MYO16: variants seen among roughly 807,000 people sequenced by gnomAD.
The protein encoded by MYO16 is myosin XVI.
A neutral mutation model predicts 205.3 loss-of-function variants in MYO16; 94 were observed. The ratio of observed to expected loss-of-function variants is 0.46; its 90% CI spans 0.39 to 0.54. The LOEUF is 0.54. Ranked by LOEUF, MYO16 falls within the 20% of genes least tolerant of loss-of-function variation. The pLI is 0.00. For missense variants in MYO16, 2,315 were observed against 2,387.5 expected, an observed-to-expected ratio of 0.97 and a Z score of 0.63; for synonymous variants, 988 against 954.0, an observed-to-expected ratio of 1.04 and a Z score of -0.66.
At chr13:108,564,474 T>A in the MYO16 span, among the ~76,000 whole-genome samples, 1 of 152,142 alleles carries the variant, frequency 6.6e-6, no homozygotes, top group South Asian at 2.1e-4. Context: ...CGGTCCCTAT[T>A]GCCCATTTTA....
At chr13:108,650,106 T>C (rs1880932883) in intron 1 of MYO16, among the ~76,000 whole-genome samples, 1 of 152,010 alleles carries the variant, frequency 6.6e-6, no homozygotes, top group Admixed American at 6.6e-5. Context: ...TATCAAAAAA[T>C]TAAATAGCAA....
chr13:109,089,410 C>T (rs1185080217), intron 27 of MYO16, among the ~76,000 whole-genome samples: 2 of 151,908 alleles, frequency 1.3e-5, no homozygotes, highest in Non-Finnish European at 1.5e-5. Context: ...GACGGGGTTT[C>T]GCCATTTTGG....
the MYO16 span, among the ~76,000 whole-genome samples, chr13:108,589,920 C>T: frequency 6.6e-6 from 1 of 152,160 alleles, no homozygotes; most frequent in African/African-American, 2.4e-5. Flanking sequence ...TTAATTTATT[C>T]TGATTAACTT....
chr13:108,504,681 ACACACCAC>A, the MYO16 span, among the ~76,000 whole-genome samples: 2 of 151,942 alleles, frequency 1.3e-5, no homozygotes, highest in Admixed American at 6.6e-5. Flanking sequence ...GACTACCGGC[ACACACCAC>A]CATGCCCAGC....
chr13:109,100,714 C>A, intron 27 of MYO16, 71 bp from the exon 28 acceptor site: 2 of 1,226,956 alleles, frequency 1.6e-6, no homozygotes, highest in South Asian at 1.3e-5. Flanking sequence ...GTAACAAAGA[C>A]AGCCCTGTTG....
At chr13:108,704,747 A>C (rs1883439104) in intron 2 of MYO16, among the ~76,000 whole-genome samples, 2 of 152,120 alleles carry the variant, frequency 1.3e-5, no homozygotes, top group South Asian at 4.1e-4. Context: ...AGTATCTTAA[A>C]TTAACCTAAC....
intron 21 of MYO16, among the ~76,000 whole-genome samples, chr13:108,998,139 TAGAA>T (rs918009098): frequency 4.3e-4 from 66 of 152,304 alleles, no homozygotes; most frequent in African/African-American, 1.4e-3. Flanking sequence ...CTAGAGATGA[TAGAA>T]AGAAAAATGG....
chr13:109,157,226 G>C (rs1299443081), intron 32 of MYO16, among the ~76,000 whole-genome samples: 2 of 107,518 alleles, frequency 1.9e-5, no homozygotes, highest in Non-Finnish European at 3.4e-5. Flanking sequence ...TACTTTCTTT[G>C]CTAGATTAGT....
chr13:108,658,135 T>C (rs1209876372), intron 1 of MYO16, among the ~76,000 whole-genome samples: 2 of 152,186 alleles, frequency 1.3e-5, no homozygotes, highest in Non-Finnish European at 2.9e-5. Context: ...ACGAAAGAAC[T>C]GGATGAAAAT....
At chr13:108,970,356 G>A (rs1594435410) in intron 20 of MYO16, among the ~76,000 whole-genome samples, 1 of 152,232 alleles carries the variant, frequency 6.6e-6, no homozygotes, top group East Asian at 1.9e-4. Context: ...ATTCAATGGG[G>A]GTAATATTTT....
chr13:108,533,839 G>A, the MYO16 span, among the ~76,000 whole-genome samples: 1 of 152,094 alleles, frequency 6.6e-6, no homozygotes, highest in Non-Finnish European at 1.5e-5. Context: ...CTTTTTTAGT[G>A]ATTTCATCTG....
At chr13:108,813,972 G>A (rs771449838) in intron 7 of MYO16, among the ~76,000 whole-genome samples, 1 of 152,102 alleles carries the variant, frequency 6.6e-6, no homozygotes, top group Non-Finnish European at 1.5e-5. Context: ...TTGACTTTAC[G>A]AAAAGAAAGG....
Position 108,844,486 on chromosome 13 carries a change from C to T in MYO16, c.1241C>T (p.Pro414Leu). 3.1e-6 allele frequency: 5 copies of T among 1,608,958 alleles called. No individual in the cohort carries two copies. Among genetic ancestry groups the T allele is most frequent in the African/African-American group, 2.7e-5 (2 of 74,952 alleles). The change falls in exon 10 of 35, where the codon CCC becomes CTC. Residue 414 changes from proline (P) to leucine (L), a missense_variant. Physicochemically the swap from Pro to Leu is moderately conservative, Grantham distance 98 (BLOSUM62 -3). Around this residue, in one of 3 missense-constraint regions of MYO16, gnomAD observed 1,213 missense variants for 1,274.4 expected, o/e 0.95. Transcript: ENST00000457511. ...CCCATGATGAGCGGTTCCACCAAAC[C>T]CGAGCAGGTAATCATGCTTTCACTG... ...ENPMMSGSTK[P>L]EQVKLMPPAP...
At chr13:108,759,482 TGA>T (rs1566590781) in intron 4 of MYO16, among the ~76,000 whole-genome samples, 1 of 152,060 alleles carries the variant, frequency 6.6e-6, no homozygotes, top group Non-Finnish European at 1.5e-5. Context: ...AGATAGGAAA[TGA>T]GAGAGTATTA....
chr13:108,642,474 G>T (rs921616958), intron 1 of MYO16, among the ~76,000 whole-genome samples: 1 of 152,078 alleles, frequency 6.6e-6, no homozygotes, highest in African/African-American at 2.4e-5. Context: ...ATGAAGTCTC[G>T]CTCTGTCACC....
intron 1 of MYO16, among the ~76,000 whole-genome samples, chr13:108,604,228 G>C (rs567818776): frequency 6.6e-6 from 1 of 152,242 alleles, no homozygotes; most frequent in Non-Finnish European, 1.5e-5. Flanking sequence ...TTTAAGATGA[G>C]ATTTGGGTAG....
At chr13:108,876,442 T>C (rs1879330026) in intron 12 of MYO16, among the ~76,000 whole-genome samples, 1 of 152,194 alleles carries the variant, frequency 6.6e-6, no homozygotes, top group Non-Finnish European at 1.5e-5. Flanking sequence ...AATTATATGA[T>C]GTCTTAGATA....
chr13:108,860,299 T>C (rs774719386), intron 11 of MYO16, among the ~76,000 whole-genome samples: 1 of 150,814 alleles, frequency 6.6e-6, no homozygotes, highest in African/African-American at 2.4e-5. Flanking sequence ...CTAAGGATAA[T>C]AGCCTCCAGC....
At chr13:108,880,042 A>C (rs1401277114) in intron 12 of MYO16, among the ~76,000 whole-genome samples, 2 of 152,128 alleles carry the variant, frequency 1.3e-5, no homozygotes, top group Non-Finnish European at 2.9e-5. Context: ...TGACTTTTTA[A>C]TGATCGCCAT....
Sources: allele counts gnomAD v4.1 joint callset (sites outside exome capture counted in the v4.1 genomes callset), GRCh38; gene constraint gnomAD v4.1.1; regional missense constraint gnomAD v4.1.1; transcripts MANE v1.5; gene names NCBI Gene and HGNC (gene_info 2026-07-23, HGNC 2026-07-21).